Variants in SCN4A observed in about 807,000 individuals in gnomAD.
SCN4A encodes sodium voltage-gated channel alpha subunit 4.
In SCN4A, 83 loss-of-function variants were observed where a neutral mutation model predicts 162.0. The observed-to-expected ratio is 0.51, with a 90% CI of 0.43 to 0.61. SCN4A has a LOEUF of 0.61. Among genes scored for constraint, SCN4A ranks in the 20% least tolerant of loss-of-function variants. The pLI is 0.00. For missense variants in SCN4A, 2,196 were observed against 2,462.5 expected (o/e 0.89, Z 2.29); for synonymous variants, 944 against 985.1 (o/e 0.96, Z 0.78).
intron 10 of SCN4A, among the ~76,000 whole-genome samples, chr17:63,963,206 G>A (rs1313548756): frequency 2.0e-5 from 3 of 152,172 alleles, no homozygotes; most frequent in Non-Finnish European, 4.4e-5. Flanking sequence ...CACAGGGATT[G>A]GGGAGTCTGT....
At chr17:63,959,473 C>T (rs781294444) in intron 11 of SCN4A, 35 bp from the exon 12 acceptor site, 9 of 1,601,296 alleles carry the variant, frequency 5.6e-6, no homozygotes, top group East Asian at 2.3e-5. Flanking sequence ...CACAGAGCCT[C>T]GGGGAGCCCA....
At chr17:63,942,518 G>T (rs902225010) in intron 23 of SCN4A, among the ~76,000 whole-genome samples, 1 of 152,238 alleles carries the variant, frequency 6.6e-6, no homozygotes, top group African/African-American at 2.4e-5. Flanking sequence ...GCACACGCAT[G>T]ACTGTGCACT....
At position 63,972,097 on chromosome 17, in the gene SCN4A, G is replaced by T; in HGVS notation, c.482+39C>A. 2.0e-6 allele frequency: 3 copies of T among 1,474,196 alleles called. No homozygotes were observed. Among genetic ancestry groups the T allele is most frequent in the Non-Finnish European group, 1.9e-6 (2 of 1,059,560 alleles). 91.3% of individuals were successfully genotyped at this position (1,474,196 alleles called of 1,614,324 possible). A position where few individuals can be genotyped will look rare whatever the true frequency, so the allele number is the denominator to read the frequency against. On this transcript the variant is annotated intron_variant, in intron 3 of 23. Transcript: ENST00000435607. The surrounding 1 kb of genome is among the most constrained non-coding windows in gnomAD (Gnocchi z 4.3). ...GGTGCAAACACCTGAGATGGGCTGT[G>T]TCCCAGGGCTGGGGAGCTCAGGGAG... is the stretch of plus-strand genomic sequence containing the variant.
At position 63,961,429 on chromosome 17, in the gene SCN4A, G is replaced by A. The variant is rs780929510; in HGVS notation, c.1609C>T (p.Leu537=). ...GGGCACTTTTGGTGGGCCTCTTCCA[G>A]TTCTGGGAGAGGGGTGGTAGCAGGT... The part of the protein sequence containing the change: ...DSGISDAMEE[L]EEAHQKCPPW... The change falls in exon 11 of 24, where the codon CTG becomes TTG. Residue 537 remains leucine (L), a splice_region_variant and synonymous_variant. Coordinates refer to ENST00000435607, the MANE Select transcript of SCN4A (RefSeq NM_000334.4). The A allele has an allele frequency of 1.2e-6, 2 of 1,610,050 alleles. No individual in the cohort carries two copies. Among genetic ancestry groups the A allele is most frequent in the Non-Finnish European group, 1.7e-6 (2 of 1,176,620 alleles).
Position 63,944,603 on chromosome 17 carries a change from G to A in SCN4A, c.3912+70C>T, listed in dbSNP as rs1212070599. The stretch of plus-strand genomic sequence containing the variant: ...GCAGCGTTTGTGGGTTTGTGCAATG[G>A]AGAGTGGACAAAGGAGGCAGGAGGG... On this transcript the variant is annotated intron_variant, in intron 21 of 23. Coordinates refer to ENST00000435607, the MANE Select transcript of SCN4A (RefSeq NM_000334.4). The surrounding 1 kb of genome is among the most constrained non-coding windows in gnomAD (Gnocchi z 4.3). The A allele has an allele frequency of 1.3e-5, 20 of 1,516,648 alleles. No individual in the cohort carries two copies. Among genetic ancestry groups the A allele is most frequent in the Non-Finnish European group, 1.8e-5 (20 of 1,118,576 alleles). 93.9% of individuals were successfully genotyped at this position (1,516,648 alleles called of 1,614,324 possible).
rs147610324 is a variant in SCN4A at position 63,945,522 on chromosome 17, G to T, written c.3558C>A (p.Phe1186Leu). The change falls in exon 19 of 24, where the codon TTC becomes TTA. Residue 1186 changes from phenylalanine (F) to leucine (L), a missense_variant. Phe to Leu is a conservative substitution (Grantham distance 22). Transcript: ENST00000435607. The surrounding 1 kb of genome is among the most constrained non-coding windows in gnomAD (Gnocchi z 4.4). ...AGGTGGTGGTGTTGATGCAGTAGTA[G>T]AACTTGCCGGCAAACAGGTTGACAC... ...IMGVNLFAGK[F>L]YYCINTTTSE... 6.2e-7 allele frequency: 1 copy of T among 1,613,988 alleles called. No individual in the cohort carries two copies. The highest frequency in any genetic ancestry group is 1.3e-5 in the African/African-American group (1 of 75,032).
In SCN4A at chr17:63,957,326, T is replaced by A. The variant is rs375026081; in HGVS notation, c.2212A>T (p.Asn738Tyr). Residue 738 changes from asparagine to tyrosine, a missense_variant, in exon 13 of 24, where the codon AAC becomes TAC. Asn to Tyr is a moderately radical substitution (Grantham distance 143). Transcript: ENST00000435607. ...TCATGCATGTGCCAGCGCGGCAGGT[T>A]GCAGTCCAAGGCAATCTTGCACACG... The part of the protein sequence containing the change: ...ECVCKIALDC[N>Y]LPRWHMHDFF... 2.5e-6 allele frequency: 4 copies of A among 1,613,992 alleles called. No individual in the cohort carries two copies. The highest frequency in any genetic ancestry group is 3.4e-6 in the Non-Finnish European group (4 of 1,179,982).
Position 63,940,449 on chromosome 17 carries a change from T to G in SCN4A, c.*322A>C. On this transcript the variant is annotated 3_prime_UTR_variant, in exon 24 of 24. Transcript: ENST00000435607. ...CTCCTCCTCAAGTGAGGGGCAGAGA[T>G]TCGAATGTTCTGACCTCCCCCAGGC... 10 of 315,662 alleles carry G rather than the reference T, an allele frequency of 3.2e-5. No individual in the cohort carries two copies. The highest frequency in any genetic ancestry group is 1.0e-4 in the East Asian group (2 of 19,438). 19.6% of individuals were successfully genotyped at this position (315,662 alleles called of 1,614,324 possible). A position where few individuals can be genotyped will look rare whatever the true frequency, so the allele number is the denominator to read the frequency against.
rs376459843 is a variant in SCN4A at position 63,966,259 on chromosome 17, G to A, written c.1101-16C>T. 4.8e-5 allele frequency: 77 copies of A among 1,600,354 alleles called. No homozygotes were observed. In the African/African-American group the frequency reaches 8.5e-4, roughly 18 times the overall value. ...AGGGCAGTGCCTAGGAATAGGACAG[G>A]GGGCTGGGTTTAGGGTGGGAGGAGC... On this transcript the variant is annotated splice_polypyrimidine_tract_variant and intron_variant, in intron 7 of 23. Transcript: ENST00000435607.
In SCN4A at chr17:63,948,669, T is replaced by A. The variant is rs746026022; in HGVS notation, c.3086A>T (p.Glu1029Val). Residue 1029 changes from glutamate (E) to valine (V), a missense_variant, in exon 16 of 24, where the codon GAG (glutamate) becomes GTG (valine). Coordinates refer to ENST00000435607, the MANE Select transcript of SCN4A (RefSeq NM_000334.4). Reference protein sequence around the residue: ...TLRRACFKIVEHNWFETFIVF... With the variant: ...TLRRACFKIVVHNWFETFIVF... ...AATGAAGGTCTCGAACCAGTTGTGC[T>A]CGACAATCTTGAAGCAGGCCCTGCG... 1 of 1,613,868 alleles carries A rather than the reference T, an allele frequency of 6.2e-7. No individual in the cohort carries two copies. The highest frequency in any genetic ancestry group is 8.5e-7 in the Non-Finnish European group (1 of 1,179,866).
chr17:63,962,306 C>G (rs1016786331), intron 10 of SCN4A, among the ~76,000 whole-genome samples: 2 of 152,210 alleles, frequency 1.3e-5, no homozygotes, highest in African/African-American at 2.4e-5. Context: ...GTCGGTAATA[C>G]CGGCCCCTCC....
In SCN4A at chr17:63,945,001, A is replaced by C; in HGVS notation, c.3774+6T>G. The C allele has an allele frequency of 6.2e-7, 1 of 1,613,150 alleles. No homozygotes were observed. The highest frequency in any genetic ancestry group is 1.7e-5 in the Admixed American group (1 of 59,960). On this transcript the variant is annotated splice_donor_region_variant and intron_variant, in intron 20 of 23. Transcript: ENST00000435607. The surrounding 1 kb of genome is among the most constrained non-coding windows in gnomAD (Gnocchi z 4.4). ...CACCAGCCACATCTCAGCGACCCCG[A>C]CTCACCTCCCGGGAGTCCACGGCTG...
rs904018270 is a variant in SCN4A, at chr17:63,950,910, C to T, written c.2853+514G>A. Among the ~76,000 whole-genome samples the T allele has an allele frequency of 3.3e-5, 5 of 152,252 alleles. No homozygotes were observed. The highest frequency in any genetic ancestry group is 1.2e-4 in the African/African-American group (5 of 41,466). ...TTCTGTCCTCCTTGTCCTCAACTCC[C>T]GTTGGCCCCTAGCTCCTCTCCTGAA... is the stretch of plus-strand genomic sequence containing the variant. On this transcript the variant is annotated intron_variant, in intron 14 of 23. Coordinates refer to ENST00000435607, the MANE Select transcript of SCN4A (RefSeq NM_000334.4). The surrounding 1 kb of genome is among the most constrained non-coding windows in gnomAD (Gnocchi z 4.6).
In SCN4A at chr17:63,944,319, A is replaced by T. The variant is rs202159319; in HGVS notation, c.3912+354T>A. Among the ~76,000 whole-genome samples, 15 of 151,504 alleles carry T rather than the reference A, an allele frequency of 9.9e-5. No individual in the cohort carries two copies. The highest frequency in any genetic ancestry group is 4.2e-4 in the South Asian group (2 of 4,788). On this transcript the variant is annotated intron_variant, in intron 21 of 23. Transcript: ENST00000435607. This position sits in a 1 kb window ranked among gnomAD's most constrained non-coding sequence, Gnocchi z 4.3. Reference sequence around the variant, plus strand: ...CACGCCTGGCTAATTTCTTTTTTTAATTTTTTTTGTATTTTTAGTATAGAC... The same window carrying T: ...CACGCCTGGCTAATTTCTTTTTTTATTTTTTTTTGTATTTTTAGTATAGAC...
In SCN4A at chr17:63,941,484, T is replaced by C; in HGVS notation, c.4798A>G (p.Asn1600Asp). 1 of 1,613,940 alleles carries C rather than the reference T, an allele frequency of 6.2e-7. No homozygotes were observed. Among genetic ancestry groups the C allele is most frequent in the Non-Finnish European group, 8.5e-7 (1 of 1,179,982 alleles). The stretch of plus-strand genomic sequence containing the variant: ...CTCTCCTCTGTGGCCACATTGAAGT[T>C]CTCCAGGATGATGGCGATGTACATG... ...VNMYIAIILE[N>D]FNVATEESSE... The change falls in exon 24 of 24, where the codon AAC becomes GAC. Residue 1600 changes from asparagine to aspartate, a missense_variant. Transcript: ENST00000435607. This position sits in a 1 kb window ranked among gnomAD's most constrained non-coding sequence, Gnocchi z 6.2.
At position 63,941,292 on chromosome 17, in the gene SCN4A, G is replaced by C; in HGVS notation, c.4990C>G (p.Leu1664Val). ...AKPNKIKLIT[L>V]DLPMVPGDKI... ...TCCCCTGGCACCATGGGCAAGTCCA[G>C]TGTGATGAGCTTGATCTTGTTGGGC... Residue 1664 changes from leucine to valine, a missense_variant, in exon 24 of 24, where the codon CTG becomes GTG. Physicochemically the swap from Leu to Val is conservative, Grantham distance 32. Transcript: ENST00000435607. The surrounding 1 kb of genome is among the most constrained non-coding windows in gnomAD (Gnocchi z 6.2). 2 of 1,613,930 alleles carry C rather than the reference G, an allele frequency of 1.2e-6. No homozygotes were observed. The highest frequency in any genetic ancestry group is 1.7e-6 in the Non-Finnish European group (2 of 1,179,876).
intron 12 of SCN4A, among the ~76,000 whole-genome samples, chr17:63,958,701 C>T (rs1250164659): frequency 1.3e-5 from 2 of 152,088 alleles, no homozygotes; most frequent in Admixed American, 6.5e-5. Flanking sequence ...TACAGGCGTG[C>T]GCCACCAAGC....
chr17:63,947,015 GCCCAC>G, intron 18 of SCN4A, 25 bp downstream of exon 18: 2 of 785,222 alleles, frequency 2.5e-6, no homozygotes, highest in Non-Finnish European at 4.1e-6. Flanking sequence ...CCCATCCCCA[GCCCAC>G]CCCAGAGGCC....
At position 63,944,561 on chromosome 17, in the gene SCN4A, A is replaced by G. The variant is rs1908649989; in HGVS notation, c.3912+112T>C. The G allele has an allele frequency of 1.6e-6, 2 of 1,242,806 alleles. No homozygotes were observed. Among genetic ancestry groups the G allele is most frequent in the Non-Finnish European group, 1.1e-6 (1 of 900,280 alleles). 77.0% of individuals were successfully genotyped at this position (1,242,806 alleles called of 1,614,324 possible). ...CCCAAGCTAGCTGCCTGAACCAACAACCTGGTAGGTGCTCAGGCAGCGTTT... is the reference window on the plus strand; with the variant it reads ...CCCAAGCTAGCTGCCTGAACCAACAGCCTGGTAGGTGCTCAGGCAGCGTTT... On this transcript the variant is annotated intron_variant, in intron 21 of 23. Coordinates refer to ENST00000435607, the MANE Select transcript of SCN4A (RefSeq NM_000334.4). The surrounding 1 kb of genome is among the most constrained non-coding windows in gnomAD (Gnocchi z 4.3).
Sources: allele counts gnomAD v4.1 joint callset (sites outside exome capture counted in the v4.1 genomes callset), GRCh38; gene constraint gnomAD v4.1.1; non-coding constraint Gnocchi (gnomAD v3.1); transcripts MANE v1.5; gene names NCBI Gene and HGNC (gene_info 2026-07-23, HGNC 2026-07-21).